Variants in DNAH8 observed in about 807,000 individuals in gnomAD.
DNAH8 encodes the protein dynein axonemal heavy chain 8, also known as axonemal beta dynein heavy chain 8.
Under a neutral mutation model 562.1 loss-of-function variants are expected in DNAH8, and 382 were observed. The observed-to-expected ratio is 0.68, with a 90% CI of 0.63 to 0.74. DNAH8 has a LOEUF of 0.74. Among genes scored for constraint, DNAH8 ranks in the 30% least tolerant of loss-of-function variants. DNAH8 has a pLI of 0.00. For missense variants in DNAH8, 5,203 were observed against 5,620.4 expected (o/e 0.93, Z 2.37); for synonymous variants, 1,881 against 1,919.4 (o/e 0.98, Z 0.52).
chr6:38,959,202 C>T (rs145444838), intron 82 of DNAH8, among the ~76,000 whole-genome samples: 104 of 152,228 alleles, frequency 6.8e-4, no homozygotes, highest in African/African-American at 2.2e-3. Context: ...AAAGCTTTTC[C>T]TCTAAAATTA....
At chr6:38,834,681 T>C in intron 32 of DNAH8, 40 bp downstream of exon 32, 1 of 1,472,740 alleles carries the variant, frequency 6.8e-7, no homozygotes, top group Non-Finnish European at 9.3e-7. Flanking sequence ...CAATGTGTAA[T>C]TTAAAAAATT....
chr6:39,006,909 C>T (rs1282358449), intron 88 of DNAH8, among the ~76,000 whole-genome samples: 1 of 152,110 alleles, frequency 6.6e-6, no homozygotes, highest in Non-Finnish European at 1.5e-5. Flanking sequence ...GTAGGAATTT[C>T]CTATTATGCT....
intron 1 of DNAH8, among the ~76,000 whole-genome samples, chr6:38,718,956 G>A (rs1762542121): frequency 6.6e-6 from 1 of 151,166 alleles, no homozygotes; most frequent in African/African-American, 2.4e-5. Context: ...GCTTCTTGTT[G>A]ACTCCTACTT....
At position 38,893,360 on chromosome 6, in the gene DNAH8, T is replaced by C. The variant is rs148758288; in HGVS notation, c.8584-1341T>C. On this transcript the variant is annotated intron_variant, in intron 58 of 92. Coordinates refer to ENST00000327475, the MANE Select transcript of DNAH8 (RefSeq NM_001206927.2). ...AGAAAAGAAAGAAGGTGATGAAAAG[T>C]AGAGGGAAATATTAGAAGAGAAGGA... Among the ~76,000 whole-genome samples the C allele has an allele frequency of 1.2e-3, 190 of 152,106 alleles. 1 individual carries two copies. Among genetic ancestry groups the C allele is most frequent in the African/African-American group, 4.4e-3 (181 of 41,486 alleles).
At chr6:38,875,853 A>G in intron 53 of DNAH8, 25 bp downstream of exon 53, 1 of 1,468,152 alleles carries the variant, frequency 6.8e-7, no homozygotes. Context: ...CTATACCTTA[A>G]ATGAAATGAC....
At chr6:38,803,545 G>A (rs1770976949) in intron 22 of DNAH8, among the ~76,000 whole-genome samples, 3 of 150,988 alleles carry the variant, frequency 2.0e-5, no homozygotes, top group South Asian at 4.2e-4. Context: ...CCGGTCCAGC[G>A]TTGCAAGTTG....
intron 57 of DNAH8, among the ~76,000 whole-genome samples, chr6:38,887,919 C>T (rs9369090): frequency 0.26 from 39,225 of 148,720 alleles, 5,738 homozygotes; most frequent in East Asian, 0.64. Context: ...TCACTGCAAC[C>T]GCTGACTCCT....
At chr6:39,020,971 A>G (rs559341134) in intron 91 of DNAH8, among the ~76,000 whole-genome samples, 8 of 152,298 alleles carry the variant, frequency 5.3e-5, no homozygotes, top group South Asian at 2.1e-4. Flanking sequence ...TAGTGCTGCA[A>G]TAAACATATG....
At chr6:38,804,759 A>AAGAGAG (rs137967997) in intron 22 of DNAH8, among the ~76,000 whole-genome samples, 2,146 of 111,110 alleles carry the variant, frequency 0.019, 48 homozygotes, top group African/African-American at 0.062. Flanking sequence ...ACATAGCAAG[A>AAGAGAG]AGAGAGAGAG....
chr6:38,718,865 A>G (rs1268169943), intron 1 of DNAH8, among the ~76,000 whole-genome samples: 4 of 152,230 alleles, frequency 2.6e-5, no homozygotes, highest in East Asian at 1.9e-4. Context: ...TTTTTTTCCC[A>G]ACCAAATTTT....
chr6:38,761,733 C>T lies in DNAH8; in HGVS notation c.1547C>T (p.Ala516Val), dbSNP rs1313878483. 3 of 1,554,616 alleles carry T rather than the reference C, an allele frequency of 1.9e-6. No individual in the cohort carries two copies. The highest frequency in any genetic ancestry group is 2.6e-6 in the Non-Finnish European group (3 of 1,154,724). The change falls in exon 11 of 93, where the codon GCA (alanine) becomes GTA (valine). Residue 516 changes from alanine (A) to valine (V), a missense_variant. This residue lies in a region of DNAH8 where 2,176 missense variants were observed against 2,365.1 expected (regional missense o/e 0.92). Coordinates refer to ENST00000327475, the MANE Select transcript of DNAH8 (RefSeq NM_001206927.2). ...VTNQMVTACKAYITDGGLNHV... is the reference protein window; with the variant it reads ...VTNQMVTACKVYITDGGLNHV... ...AATCAAATGGTAACAGCATGTAAAG[C>T]ATATATTACTGATGGAGGATTAAAC...
chr6:38,890,828 G>T (rs1366170476), intron 58 of DNAH8, 67 bp downstream of exon 58: 5 of 1,083,928 alleles, frequency 4.6e-6, no homozygotes, highest in East Asian at 2.4e-5. Flanking sequence ...CACACCTCGT[G>T]GCTCATTAAG....
At chr6:39,007,502 T>C (rs1312995709) in intron 88 of DNAH8, among the ~76,000 whole-genome samples, 2 of 152,232 alleles carry the variant, frequency 1.3e-5, no homozygotes, top group African/African-American at 4.8e-5. Context: ...GTGAAGTGTA[T>C]AGATGGTAAA....
rs1034749102 is a variant in DNAH8, at chr6:38,987,256, A to G, written c.13054-2756A>G. Among the ~76,000 whole-genome samples, 18 of 152,172 alleles carry G rather than the reference A, an allele frequency of 1.2e-4. 1 individual carries two copies. Among genetic ancestry groups the G allele is most frequent in the African/African-American group, 4.1e-4 (17 of 41,436 alleles). The stretch of plus-strand genomic sequence containing the variant: ...CGCTGTCTCAGCCTGCTCCACCTTC[A>G]AGAGCTCAAGCAGGGGGATTCCCCT... On this transcript the variant is annotated intron_variant, in intron 87 of 92. Coordinates refer to ENST00000327475, the MANE Select transcript of DNAH8 (RefSeq NM_001206927.2).
At position 38,964,283 on chromosome 6, in the gene DNAH8, GCGCCCCT is replaced by G. The variant is rs1474327396; in HGVS notation, c.12452-7307_12452-7301del. ...TCCCAGTAGGGGCGGCCGGGCAGAG[GCGCCCCT>G]CACCTCCCGGACGGGGCGGCTGGCC... On this transcript the variant is annotated intron_variant, in intron 82 of 92. Coordinates refer to ENST00000327475, the MANE Select transcript of DNAH8 (RefSeq NM_001206927.2). Among the ~76,000 whole-genome samples, 23 of 9,906 alleles carry G rather than the reference GCGCCCCT, an allele frequency of 2.3e-3. 1 individual carries two copies. The highest frequency in any genetic ancestry group is 7.6e-3 in the African/African-American group (23 of 3,032). The allele number at this position is 9,906 out of a possible 152,430, so 6.5% of individuals were successfully genotyped here. A position where few individuals can be genotyped will look rare whatever the true frequency, so the allele number is the denominator to read the frequency against.
chr6:38,982,415 A>C lies in DNAH8; in HGVS notation c.12904A>C (p.Ser4302Arg), dbSNP rs776374667. Residue 4302 changes from serine to arginine, a missense_variant, in exon 86 of 93, where the codon AGT becomes CGT. By Grantham distance (110) the Ser-to-Arg change is moderately radical. Coordinates refer to ENST00000327475, the MANE Select transcript of DNAH8 (RefSeq NM_001206927.2). ...YEFNSADFSA[S>R]VQFIQNHLDE... The stretch of plus-strand genomic sequence containing the variant: ...ATTCAATTCTGCTGACTTTTCAGCC[A>C]GTGTTCAGTTTATTCAGAATCACCT... The C allele has an allele frequency of 6.2e-7, 1 of 1,611,358 alleles. No individual in the cohort carries two copies. Among genetic ancestry groups the C allele is most frequent in the Admixed American group, 1.7e-5 (1 of 60,006 alleles).
chr6:38,785,962 G>A (rs1309035575), intron 17 of DNAH8, among the ~76,000 whole-genome samples: 1 of 152,182 alleles, frequency 6.6e-6, no homozygotes, highest in Non-Finnish European at 1.5e-5. Context: ...AAAACAATGT[G>A]AGGTTTGGAA....
chr6:38,825,857 CAGA>C (rs1773269834), intron 28 of DNAH8, among the ~76,000 whole-genome samples: 1 of 152,126 alleles, frequency 6.6e-6, no homozygotes, highest in Non-Finnish European at 1.5e-5. Flanking sequence ...ATGGGATGGT[CAGA>C]AGAAGTGCAA....
intron 91 of DNAH8, among the ~76,000 whole-genome samples, chr6:39,018,613 G>A (rs1289780122): frequency 6.6e-6 from 1 of 152,186 alleles, no homozygotes; most frequent in Admixed American, 6.5e-5. Context: ...GGTCACCAGA[G>A]CCATGATCTG....
Sources: allele counts gnomAD v4.1 joint callset (sites outside exome capture counted in the v4.1 genomes callset), GRCh38; gene constraint gnomAD v4.1.1; regional missense constraint gnomAD v4.1.1; transcripts MANE v1.5; gene names NCBI Gene and HGNC (gene_info 2026-07-23, HGNC 2026-07-21).